The following SRGAP2C variants were observed in gnomAD, a reference collection of about 807,000 sequenced individuals.
SRGAP2C encodes the protein SLIT-ROBO Rho GTPase activating protein 2C.
SRGAP2C carries 15 observed loss-of-function variants against 25.1 expected under a neutral mutation model. The ratio of observed to expected loss-of-function variants is 0.60; its 90% CI spans 0.40 to 0.92. SRGAP2C has a LOEUF of 0.92. Ranked by LOEUF, SRGAP2C falls within the 40% of genes least tolerant of loss-of-function variation. The pLI is 0.00. For synonymous variants in SRGAP2C, 44 were observed against 96.6 expected, an observed-to-expected ratio of 0.46 and a Z score of 3.19; for missense variants, 144 against 264.4, an observed-to-expected ratio of 0.54 and a Z score of 3.16.
intron 7 of SRGAP2C, among the ~76,000 whole-genome samples, chr1:121,377,110 T>TAAAA (rs71273316): frequency 8.2e-6 from 1 of 122,572 alleles, no homozygotes; most frequent in African/African-American, 3.0e-5. Flanking sequence ...TTTCATCATT[T>TAAAA]AAAAAAAAAA....
chr1:121,316,077 T>TC (rs1199459548), intron 3 of SRGAP2C, among the ~76,000 whole-genome samples: 1 of 129,394 alleles, frequency 7.7e-6, no homozygotes, highest in African/African-American at 3.1e-5. Flanking sequence ...TTATTTTTTT[T>TC]CCCTCCTTTT....
At chr1:121,228,080 T>C (rs1553326863) in intron 2 of SRGAP2C, among the ~76,000 whole-genome samples, 1 of 108,774 alleles carries the variant, frequency 9.2e-6, no homozygotes, top group Non-Finnish European at 1.8e-5. Context: ...ATTTGCCTTG[T>C]GCTTGGGAGT....
rs1553341074 is a variant in SRGAP2C at position 121,320,958 on chromosome 1, C to T, written c.261-3520C>T. 3.7e-3 allele frequency among the ~76,000 whole-genome samples: 560 copies of T among 152,282 alleles called. 1 individual carries two copies. The highest frequency in any genetic ancestry group is 5.4e-3 in the Non-Finnish European group (365 of 68,030). On this transcript the variant is annotated intron_variant, in intron 3 of 9. Transcript: ENST00000367123. Reference sequence around the variant, plus strand: ...TATGGCATGTGATTGAACCTTGCTGCTGTGTGTCAAGTTATAGGCTCACCT... The same window carrying T: ...TATGGCATGTGATTGAACCTTGCTGTTGTGTGTCAAGTTATAGGCTCACCT...
intron 4 of SRGAP2C, among the ~76,000 whole-genome samples, chr1:121,355,312 T>A (rs1163373046): frequency 5.9e-4 from 62 of 104,814 alleles, no homozygotes; most frequent in African/African-American, 2.2e-3. Context: ...ATTCTTTTTT[T>A]TTTTTTTTTT....
intron 2 of SRGAP2C, among the ~76,000 whole-genome samples, chr1:121,208,607 G>A (rs1177046589): frequency 6.6e-6 from 1 of 152,132 alleles, no homozygotes; most frequent in African/African-American, 2.4e-5. Context: ...TACTGTATTC[G>A]CTATTTAACA....
At chr1:121,327,933 A>C (rs1658349930) in intron 4 of SRGAP2C, among the ~76,000 whole-genome samples, 1 of 152,240 alleles carries the variant, frequency 6.6e-6, no homozygotes, top group Admixed American at 6.5e-5. Context: ...AGTGTGGTCT[A>C]TGTGATCTCC....
intron 3 of SRGAP2C, among the ~76,000 whole-genome samples, chr1:121,308,576 G>A (rs1234669696): frequency 6.6e-6 from 1 of 151,266 alleles, no homozygotes; most frequent in Admixed American, 6.6e-5. Flanking sequence ...AGGAGTTTGA[G>A]GCTACAGTGA....
chr1:121,239,246 C>G (rs1482988528), intron 2 of SRGAP2C, among the ~76,000 whole-genome samples: 2 of 740 alleles, frequency 2.7e-3, no homozygotes, highest in African/African-American at 0.02. Flanking sequence ...TATATATATA[C>G]TATATATATA....
At chr1:121,286,742 G>A (rs1187561451) in intron 3 of SRGAP2C, among the ~76,000 whole-genome samples, 3 of 151,544 alleles carry the variant, frequency 2.0e-5, no homozygotes, top group Non-Finnish European at 4.4e-5. Context: ...ACGCTTTTTG[G>A]CTTGGTCTTT....
chr1:121,303,573 A>G (rs1334310392), intron 3 of SRGAP2C, among the ~76,000 whole-genome samples: 28 of 150,244 alleles, frequency 1.9e-4, no homozygotes, highest in Non-Finnish European at 4.4e-5. Context: ...TTTAGAAGCC[A>G]TGGATGCTAA....
At chr1:121,370,403 A>T (rs1553350677) in intron 5 of SRGAP2C, among the ~76,000 whole-genome samples, 1 of 142,954 alleles carries the variant, frequency 7.0e-6, no homozygotes. Flanking sequence ...CTACAATGGG[A>T]GAGGGGATCT....
intron 2 of SRGAP2C, among the ~76,000 whole-genome samples, chr1:121,277,437 A>G (rs1280636969): frequency 4.6e-5 from 7 of 150,712 alleles, no homozygotes; most frequent in East Asian, 3.9e-4. Flanking sequence ...TTTTGAGATG[A>G]GGTCTTGCTA....
chr1:121,389,301 AATTT>A lies in SRGAP2C; in HGVS notation c.*1454_*1457del, dbSNP rs1451103047. 9 of 140,504 alleles carry A rather than the reference AATTT, an allele frequency of 6.4e-5. No homozygotes were observed. Among genetic ancestry groups the A allele is most frequent in the East Asian group, 2.1e-4 (1 of 4,656 alleles). The allele number at this position is 140,504 out of a possible 1,614,324, so 8.7% of individuals were successfully genotyped here. A position where few individuals can be genotyped will look rare whatever the true frequency, so the allele number is the denominator to read the frequency against. On this transcript the variant is annotated 3_prime_UTR_variant, in exon 10 of 10. Coordinates refer to ENST00000367123, the MANE Select transcript of SRGAP2C (RefSeq NM_001329984.2). The stretch of plus-strand genomic sequence containing the variant: ...AAAATTTATCTTCACCATCATCATT[AATTT>A]ATTTATTAATCATTATTAAATTATT...
intron 4 of SRGAP2C, among the ~76,000 whole-genome samples, chr1:121,353,436 G>A (rs1315866865): frequency 6.8e-6 from 1 of 147,584 alleles, no homozygotes; most frequent in Non-Finnish European, 1.5e-5. Flanking sequence ...TCCTGCCTTG[G>A]CCTTCCAAAG....
intron 3 of SRGAP2C, among the ~76,000 whole-genome samples, chr1:121,322,109 A>G (rs1379169275): frequency 1.3e-5 from 2 of 149,760 alleles, no homozygotes; most frequent in African/African-American, 2.5e-5. Context: ...GTGTATGTAA[A>G]GTGCTATAGG....
chr1:121,329,707 C>T lies in SRGAP2C; in HGVS notation c.423+5067C>T, dbSNP rs1365350431. Among the ~76,000 whole-genome samples the T allele has an allele frequency of 2.7e-5, 4 of 149,348 alleles. No homozygotes were observed. The East Asian group carries it at 7.9e-4, about 30-fold the overall frequency. On this transcript the variant is annotated intron_variant, in intron 4 of 9. Transcript: ENST00000367123. Reference sequence around the variant, plus strand: ...CTATTGAACCCCCTTAAGGGAGGCTCCTTGCTAGCCCTCTGGTTTGTGGTA... The same window carrying T: ...CTATTGAACCCCCTTAAGGGAGGCTTCTTGCTAGCCCTCTGGTTTGTGGTA...
intron 4 of SRGAP2C, among the ~76,000 whole-genome samples, chr1:121,345,331 A>G (rs587661421): frequency 9.7e-4 from 148 of 152,242 alleles, no homozygotes; most frequent in African/African-American, 3.4e-3. Flanking sequence ...AAACAATTCT[A>G]CTAGCTGATT....
At chr1:121,233,240 G>A (rs1379415746) in intron 2 of SRGAP2C, among the ~76,000 whole-genome samples, 3 of 81,882 alleles carry the variant, frequency 3.7e-5, no homozygotes, top group African/African-American at 9.4e-5. Context: ...TCCGCCTCCT[G>A]GATTCAAGTG....
chr1:121,315,410 A>G (rs1459830896), intron 3 of SRGAP2C, among the ~76,000 whole-genome samples: 1 of 145,020 alleles, frequency 6.9e-6, no homozygotes, highest in African/African-American at 2.6e-5. Flanking sequence ...CTAAGCCTAG[A>G]CTCTGGGTCT....
Sources: gnomAD v4.1 joint callset for allele counts (sites outside exome capture counted in the v4.1 genomes callset) on GRCh38, gnomAD v4.1.1 for gene constraint, MANE v1.5 for transcripts, NCBI Gene and HGNC (gene_info 2026-07-23, HGNC 2026-07-21) for gene names.